Variants in LRRTM4 observed in about 807,000 individuals in gnomAD.
LRRTM4 encodes leucine rich repeat transmembrane neuronal 4, also known as leucine-rich repeat transmembrane neuronal protein 4.
In LRRTM4, 25 loss-of-function variants were observed where a neutral mutation model predicts 47.6. That is an observed-to-expected ratio of 0.53 (90% CI 0.38 to 0.73). The LOEUF (loss-of-function observed/expected upper bound fraction) is 0.73, where lower values mean the gene tolerates loss of function less well. Among genes scored for constraint, LRRTM4 ranks in the 30% least tolerant of loss-of-function variants. The pLI is 0.00. For synonymous variants in LRRTM4, 311 were observed against 269.5 expected (o/e 1.15, Z -1.51); for missense variants, 638 against 713.4 (o/e 0.89, Z 1.20).
chr2:77,247,858 T>G (rs149482307), intron 3 of LRRTM4, among the ~76,000 whole-genome samples: 1 of 151,732 alleles, frequency 6.6e-6, no homozygotes, highest in Non-Finnish European at 1.5e-5. Context: ...TAGTTCTTCA[T>G]GTAAATGCAA....
At chr2:76,855,993 T>G (rs1276659394) in intron 3 of LRRTM4, among the ~76,000 whole-genome samples, 2 of 152,156 alleles carry the variant, frequency 1.3e-5, no homozygotes, top group African/African-American at 4.8e-5. Flanking sequence ...GAAGTATAAA[T>G]TGGCCAGAAG....
intron 3 of LRRTM4, chr2:77,516,802 A>T: frequency 1.0e-6 from 1 of 979,422 alleles, no homozygotes; most frequent in Non-Finnish European, 1.2e-6. Flanking sequence ...TCTTTGAAGA[A>T]CAGTTCAATA....
intron 3 of LRRTM4, among the ~76,000 whole-genome samples, chr2:77,414,576 T>C (rs948100850): frequency 4.6e-5 from 7 of 152,300 alleles, no homozygotes; most frequent in Non-Finnish European, 7.3e-5. Flanking sequence ...AGCAATTAGA[T>C]AGAATTTTAG....
At chr2:76,892,719 G>C (rs72821250) in intron 3 of LRRTM4, among the ~76,000 whole-genome samples, 2,593 of 151,704 alleles carry the variant, frequency 0.017, 60 homozygotes, top group East Asian at 0.08. Context: ...CGATTAATGT[G>C]TATTTTAAAT....
chr2:76,979,415 C>T (rs368656803), intron 3 of LRRTM4, among the ~76,000 whole-genome samples: 2 of 151,752 alleles, frequency 1.3e-5, no homozygotes, highest in Admixed American at 1.3e-4. Flanking sequence ...CCAAGGTGCT[C>T]ATATGTTAGA....
chr2:77,427,783 T>G (rs1472332610), intron 3 of LRRTM4, among the ~76,000 whole-genome samples: 1 of 152,224 alleles, frequency 6.6e-6, no homozygotes, highest in Non-Finnish European at 1.5e-5. Context: ...TTAAAATTCT[T>G]TGCTTATTGA....
chr2:76,932,093 G>A (rs1036920410), intron 3 of LRRTM4, among the ~76,000 whole-genome samples: 1 of 152,080 alleles, frequency 6.6e-6, no homozygotes, highest in Non-Finnish European at 1.5e-5. Flanking sequence ...GAATTTTATT[G>A]TGTTCATCCT....
At chr2:76,816,337 TATA>T (rs1003948916) in intron 3 of LRRTM4, among the ~76,000 whole-genome samples, 1 of 152,160 alleles carries the variant, frequency 6.6e-6, no homozygotes. Flanking sequence ...ACATCTGAAG[TATA>T]ATTATTGACC....
In LRRTM4 at chr2:77,419,505, C is replaced by T. The variant is rs535223526; in HGVS notation, c.1551+98813G>A. ...TATAATACTTAACGCAATGTAAGTG[C>T]TATGTAAATAGTTGCTAGTTGTTAT... On this transcript the variant is annotated intron_variant, in intron 3 of 3. Coordinates refer to ENST00000409884, the MANE Select transcript of LRRTM4 (RefSeq NM_001134745.3). Among the ~76,000 whole-genome samples the T allele has an allele frequency of 4.6e-5, 7 of 152,180 alleles. No homozygotes were observed. In the South Asian group the frequency reaches 1.2e-3, roughly 27 times the overall value.
intron 3 of LRRTM4, among the ~76,000 whole-genome samples, chr2:77,334,548 A>G (rs570719315): frequency 1.3e-5 from 2 of 152,274 alleles, no homozygotes; most frequent in East Asian, 3.9e-4. Context: ...CATCCACATA[A>G]GATGTGACTT....
intron 3 of LRRTM4, among the ~76,000 whole-genome samples, chr2:77,015,319 T>C (rs1678022385): frequency 6.6e-6 from 1 of 152,118 alleles, no homozygotes; most frequent in Non-Finnish European, 1.5e-5. Flanking sequence ...ATGGAGGAAG[T>C]TGTACTTTAT....
chr2:77,389,845 C>T (rs973142707), intron 3 of LRRTM4, among the ~76,000 whole-genome samples: 1 of 151,918 alleles, frequency 6.6e-6, no homozygotes, highest in Non-Finnish European at 1.5e-5. Flanking sequence ...TTCTTGAGCA[C>T]CTAATATGTG....
intron 3 of LRRTM4, among the ~76,000 whole-genome samples, chr2:76,841,436 T>A (rs931446977): frequency 2.0e-5 from 3 of 151,720 alleles, no homozygotes; most frequent in Non-Finnish European, 2.9e-5. Context: ...AATAATAAAA[T>A]TAAAAAAAAT....
At chr2:77,016,343 G>A (rs1282877730) in intron 3 of LRRTM4, among the ~76,000 whole-genome samples, 18 of 149,206 alleles carry the variant, frequency 1.2e-4, no homozygotes, top group African/African-American at 4.2e-4. Context: ...CCCAGATCGC[G>A]CCACTGTGTC....
At chr2:77,200,939 G>T (rs1400315041) in intron 3 of LRRTM4, among the ~76,000 whole-genome samples, 1 of 152,066 alleles carries the variant, frequency 6.6e-6, no homozygotes, top group East Asian at 1.9e-4. Flanking sequence ...CCCACCACTA[G>T]CCAAAATCAT....
chr2:77,213,816 C>T (rs952896160), intron 3 of LRRTM4, among the ~76,000 whole-genome samples: 1 of 152,016 alleles, frequency 6.6e-6, no homozygotes, highest in Admixed American at 6.6e-5. Context: ...GTAATTGATC[C>T]TTTGTTTGCT....
intron 3 of LRRTM4, among the ~76,000 whole-genome samples, chr2:76,972,411 A>AG (rs1676250483): frequency 1.7e-5 from 2 of 114,620 alleles, no homozygotes; most frequent in African/African-American, 6.8e-5. Flanking sequence ...TTCATTGAAC[A>AG]CTTTTTTTTT....
chr2:77,360,392 G>C (rs1488817774), intron 3 of LRRTM4, among the ~76,000 whole-genome samples: 2 of 152,204 alleles, frequency 1.3e-5, no homozygotes, highest in East Asian at 3.9e-4. Flanking sequence ...AGGAGGCGGA[G>C]CTTGCAGTGA....
At chr2:76,997,156 C>T (rs1472183920) in intron 3 of LRRTM4, among the ~76,000 whole-genome samples, 5 of 152,030 alleles carry the variant, frequency 3.3e-5, no homozygotes, top group Non-Finnish European at 5.9e-5. Context: ...TCATGTTCCC[C>T]CAGCAACTAT....
Sources: gnomAD v4.1 joint callset for allele counts (sites outside exome capture counted in the v4.1 genomes callset) on GRCh38, gnomAD v4.1.1 for gene constraint, MANE v1.5 for transcripts, NCBI Gene and HGNC (gene_info 2026-07-23, HGNC 2026-07-21) for gene names.